The following VAV3 variants were observed in gnomAD, a reference collection of about 807,000 sequenced individuals.
VAV3 encodes vav guanine nucleotide exchange factor 3.
A neutral mutation model predicts 131.2 loss-of-function variants in VAV3; 94 were observed. That is an observed-to-expected ratio of 0.72 (90% CI 0.61 to 0.85). The LOEUF is 0.85. Ranked by LOEUF, VAV3 falls within the 40% of genes least tolerant of loss-of-function variation. The pLI is 0.00. For missense variants in VAV3, 939 were observed against 1,002.7 expected (o/e 0.94, Z 0.86); for synonymous variants, 349 against 342.0 (o/e 1.02, Z -0.22).
chr1:107,736,287 A>C (rs542357943), intron 15 of VAV3, among the ~76,000 whole-genome samples: 89 of 152,292 alleles, frequency 5.8e-4, no homozygotes, highest in African/African-American at 2.0e-3. Context: ...ATTCCCTTTG[A>C]AAACTGGCAC....
chr1:107,623,593 T>C (rs1653770906), intron 20 of VAV3, among the ~76,000 whole-genome samples: 1 of 152,222 alleles, frequency 6.6e-6, no homozygotes, highest in African/African-American at 2.4e-5. Context: ...ACACATATTC[T>C]TTCATTGTTA....
At chr1:107,856,065 C>A (rs2100970731) in intron 2 of VAV3, among the ~76,000 whole-genome samples, 1 of 152,278 alleles carries the variant, frequency 6.6e-6, no homozygotes, top group Admixed American at 6.5e-5. Flanking sequence ...CCACCCCATG[C>A]ACACTCATAA....
chr1:107,784,446 A>T (rs1215640235), intron 2 of VAV3, among the ~76,000 whole-genome samples: 1 of 152,206 alleles, frequency 6.6e-6, no homozygotes. Context: ...TTTTCTCGCC[A>T]AAGATCTTTT....
chr1:107,607,616 G>A (rs6583028), intron 22 of VAV3, among the ~76,000 whole-genome samples: 21,862 of 152,040 alleles, frequency 0.14, 1,919 homozygotes, highest in East Asian at 0.35. Flanking sequence ...CAATTTGTCC[G>A]GACTACCATG....
chr1:107,636,581 A>G (rs570391561), intron 20 of VAV3, among the ~76,000 whole-genome samples: 159 of 152,344 alleles, frequency 1.0e-3, no homozygotes, highest in Non-Finnish European at 1.8e-3. Flanking sequence ...GTTGGGCAAA[A>G]TAATACAACA....
At chr1:107,669,169 A>C in intron 19 of VAV3, 1 of 1,073,248 alleles carries the variant, frequency 9.3e-7, no homozygotes, top group Non-Finnish European at 1.1e-6. Context: ...CCTTACAAAA[A>C]CCTCCTGCTA....
chr1:107,845,108 G>A (rs1346686662), intron 2 of VAV3, among the ~76,000 whole-genome samples: 1 of 152,164 alleles, frequency 6.6e-6, no homozygotes, highest in Non-Finnish European at 1.5e-5. Context: ...CCAGAGAAAG[G>A]AACAGGCAGC....
intron 1 of VAV3, among the ~76,000 whole-genome samples, chr1:107,932,922 G>C (rs1404251556): frequency 5.3e-5 from 8 of 152,150 alleles, no homozygotes; most frequent in African/African-American, 1.9e-4. Flanking sequence ...CAGTGAAACT[G>C]ATTTTGAACC....
chr1:107,875,372 G>A (rs1311774820), intron 1 of VAV3, among the ~76,000 whole-genome samples: 1 of 152,190 alleles, frequency 6.6e-6, no homozygotes, highest in African/African-American at 2.4e-5. Flanking sequence ...AGTTGGTGGG[G>A]CTGGGTGGGG....
At chr1:107,790,562 C>T (rs1489166984) in intron 2 of VAV3, among the ~76,000 whole-genome samples, 2 of 151,920 alleles carry the variant, frequency 1.3e-5, no homozygotes, top group African/African-American at 4.8e-5. Context: ...CTCTGAGGGA[C>T]AGGGGAATTG....
intron 12 of VAV3, among the ~76,000 whole-genome samples, chr1:107,751,504 G>A (rs187693774): frequency 1.0e-3 from 152 of 152,164 alleles, no homozygotes; most frequent in Non-Finnish European, 1.8e-3. Context: ...GAGACGGTTC[G>A]GCAATTAATA....
rs1159906518 is a variant in VAV3 at position 107,923,183 on chromosome 1, T to C, written c.204+41483A>G. On this transcript the variant is annotated intron_variant, in intron 1 of 26. Transcript: ENST00000370056. Reference sequence around the variant, plus strand: ...AGTTAAATTGCCTTTTCTAAAACTGTATATAAATGGACTCATATGGTATAT... The same window carrying C: ...AGTTAAATTGCCTTTTCTAAAACTGCATATAAATGGACTCATATGGTATAT... Among the ~76,000 whole-genome samples, 3 of 150,764 alleles carry C rather than the reference T, an allele frequency of 2.0e-5. No individual in the cohort carries two copies. The East Asian group carries it at 5.8e-4, about 29-fold the overall frequency.
At chr1:107,896,484 T>C (rs932060302) in intron 1 of VAV3, among the ~76,000 whole-genome samples, 5 of 152,204 alleles carry the variant, frequency 3.3e-5, no homozygotes, top group Non-Finnish European at 4.4e-5. Flanking sequence ...GTTAGTGACT[T>C]TAACTACAAA....
chr1:107,709,399 G>A (rs1056383136), intron 15 of VAV3, among the ~76,000 whole-genome samples: 2 of 152,080 alleles, frequency 1.3e-5, no homozygotes, highest in Non-Finnish European at 2.9e-5. Flanking sequence ...AAAGATGGAA[G>A]AAGTAAAGGA....
At position 107,771,820 on chromosome 1, in the gene VAV3, G is replaced by A. The variant is rs535712673; in HGVS notation, c.555+915C>T. On this transcript the variant is annotated intron_variant, in intron 5 of 26. Transcript: ENST00000370056. ...CACTCAATGCAGTTAACAATTACAGGAGGCACAGATGATATTCGGTCACCT... is the reference window on the plus strand; with the variant it reads ...CACTCAATGCAGTTAACAATTACAGAAGGCACAGATGATATTCGGTCACCT... Among the ~76,000 whole-genome samples the A allele has an allele frequency of 4.6e-5, 7 of 152,336 alleles. No individual in the cohort carries two copies. The South Asian group carries it at 1.0e-3, about 23-fold the overall frequency.
chr1:107,958,525 T>C (rs745681692), intron 1 of VAV3, among the ~76,000 whole-genome samples: 1 of 152,226 alleles, frequency 6.6e-6, no homozygotes, highest in Non-Finnish European at 1.5e-5. Context: ...AGGGCAACAC[T>C]GTATGAAAAC....
chr1:107,713,983 C>G (rs1183363678), intron 15 of VAV3, among the ~76,000 whole-genome samples: 1 of 152,092 alleles, frequency 6.6e-6, no homozygotes, highest in South Asian at 2.1e-4. Flanking sequence ...CAAATACTAG[C>G]TCTAGACGTA....
chr1:107,671,090 G>A (rs758744186), intron 19 of VAV3, among the ~76,000 whole-genome samples: 5 of 152,246 alleles, frequency 3.3e-5, no homozygotes, highest in Non-Finnish European at 7.3e-5. Flanking sequence ...GGCCTATAAT[G>A]GTAGGTGGAG....
At chr1:107,777,410 G>A in intron 3 of VAV3, 114 bp from the exon 4 acceptor site, 1 of 879,386 alleles carries the variant, frequency 1.1e-6, no homozygotes. Flanking sequence ...TGCCAAAATG[G>A]TCAGATCAGT....
Sources: gnomAD v4.1 joint callset for allele counts (sites outside exome capture counted in the v4.1 genomes callset) on GRCh38, gnomAD v4.1.1 for gene constraint, MANE v1.5 for transcripts, NCBI Gene and HGNC (gene_info 2026-07-23, HGNC 2026-07-21) for gene names.